The following ALDH1L1 variants were observed in gnomAD, a reference collection of about 807,000 sequenced individuals.
ALDH1L1 encodes the protein cytosolic 10-formyltetrahydrofolate dehydrogenase.
Under a neutral mutation model 101.1 loss-of-function variants are expected in ALDH1L1, and 68 were observed. That is an observed-to-expected ratio of 0.67 (90% CI 0.55 to 0.82). The LOEUF (loss-of-function observed/expected upper bound fraction) is 0.82, where lower values mean the gene tolerates loss of function less well. ALDH1L1 is among the 40% of genes least tolerant of loss of function. ALDH1L1 has a pLI of 0.00. For missense variants in ALDH1L1, 1,087 were observed against 1,172.7 expected, an observed-to-expected ratio of 0.93 and a Z score of 1.07; for synonymous variants, 486 against 470.8, an observed-to-expected ratio of 1.03 and a Z score of -0.42.
chr3:126,136,690 AG>A, intron 11 of ALDH1L1, 73 bp downstream of exon 11: 1 of 1,538,722 alleles, frequency 6.5e-7, no homozygotes, highest in Non-Finnish European at 8.8e-7. Flanking sequence ...GGACCCCCAG[AG>A]GCCAGTGGGG....
intron 14 of ALDH1L1, among the ~76,000 whole-genome samples, chr3:126,127,899 T>A (rs1159480723): frequency 6.6e-6 from 1 of 152,090 alleles, no homozygotes; most frequent in Non-Finnish European, 1.5e-5. Context: ...ACACAGAGAA[T>A]AAAATGAGAT....
chr3:126,167,781 G>T (rs2081198252), intron 1 of ALDH1L1, among the ~76,000 whole-genome samples: 1 of 152,066 alleles, frequency 6.6e-6, no homozygotes, highest in Admixed American at 6.5e-5. Flanking sequence ...GCTCCCACCT[G>T]TTCAGTAGTT....
intron 7 of ALDH1L1, chr3:126,152,741 T>A (rs1450634495): frequency 1.9e-5 from 3 of 159,946 alleles, no homozygotes; most frequent in Non-Finnish European, 1.4e-5. Flanking sequence ...AAGACCAGCA[T>A]CACGGCTTTG....
chr3:126,154,726 CTCT>C, intron 5 of ALDH1L1, 83 bp from the exon 6 acceptor site: 1 of 1,298,298 alleles, frequency 7.7e-7, no homozygotes, highest in Admixed American at 1.8e-5. Context: ...GTGGACCAAG[CTCT>C]TGTGAGACAG....
intron 8 of ALDH1L1, among the ~76,000 whole-genome samples, chr3:126,147,875 G>A (rs577376768): frequency 9.2e-5 from 14 of 152,234 alleles, no homozygotes; most frequent in Non-Finnish European, 2.1e-4. Context: ...GCCACGCACT[G>A]TCTGCCACAC....
chr3:126,124,588 C>A (rs772790116), intron 15 of ALDH1L1, 137 bp from the exon 16 acceptor site: 18 of 732,150 alleles, frequency 2.5e-5, no homozygotes, highest in Non-Finnish European at 3.9e-5. Flanking sequence ...ACCAGGAAGA[C>A]CCCAGGAAAG....
At chr3:126,134,387 C>G (rs2080379065) in intron 12 of ALDH1L1, among the ~76,000 whole-genome samples, 1 of 152,238 alleles carries the variant, frequency 6.6e-6, no homozygotes, top group Non-Finnish European at 1.5e-5. Context: ...TGCGGTCCAC[C>G]AAACGCGCAC....
In ALDH1L1 at chr3:126,115,277, G is replaced by C. The variant is rs1288272427; in HGVS notation, c.1983-621C>G. 3 of 355,640 alleles carry C rather than the reference G, an allele frequency of 8.4e-6. No individual in the cohort carries two copies. The East Asian group carries it at 2.3e-4, about 27-fold the overall frequency. The allele number at this position is 355,640 out of a possible 1,614,324, so 22.0% of individuals were successfully genotyped here. ...CACATCAGTGGGCAAGAAATGCACT[G>C]CAGGGATGCTGTCCTCAGCTGGACA... On this transcript the variant is annotated intron_variant, in intron 17 of 22. Coordinates refer to ENST00000393434, the MANE Select transcript of ALDH1L1 (RefSeq NM_012190.4).
chr3:126,138,295 T>A (rs1241683799), intron 9 of ALDH1L1, among the ~76,000 whole-genome samples: 1 of 131,902 alleles, frequency 7.6e-6, no homozygotes, highest in Non-Finnish European at 1.6e-5. Flanking sequence ...TAATAATAAT[T>A]AGCAGATTAA....
intron 9 of ALDH1L1, 122 bp from the exon 10 acceptor site, chr3:126,138,082 C>T (rs2080490192): frequency 1.5e-6 from 2 of 1,291,566 alleles, no homozygotes; most frequent in African/African-American, 1.5e-5. Context: ...GAGAGGTAGC[C>T]ATGAGCCCAG....
At chr3:126,107,595 A>G (rs2108169878) in intron 20 of ALDH1L1, among the ~76,000 whole-genome samples, 1 of 152,212 alleles carries the variant, frequency 6.6e-6, no homozygotes, top group African/African-American at 2.4e-5. Flanking sequence ...CTAATCTAAA[A>G]CCACCTAGAT....
At chr3:126,153,703 G>A in intron 6 of ALDH1L1, 122 bp from the exon 7 acceptor site, 2 of 1,304,066 alleles carry the variant, frequency 1.5e-6, no homozygotes, top group Non-Finnish European at 2.1e-6. Context: ...AGACCTGGGA[G>A]CCGGCTCAAA....
chr3:126,170,750 C>G (rs1368966629), intron 1 of ALDH1L1, among the ~76,000 whole-genome samples: 3 of 152,188 alleles, frequency 2.0e-5, no homozygotes, highest in Non-Finnish European at 4.4e-5. Flanking sequence ...AACACCGCCA[C>G]TTTAAATTCC....
In ALDH1L1 at chr3:126,125,637, T is replaced by C; in HGVS notation, c.1779A>G (p.Thr593=). ...KTAACLAAGN[T]VVIKPAQVTP... is the part of the protein sequence containing the mutation. ...TCACCTGAGCAGGCTTGATCACCACTGTGTTCCCGGCAGCCAGGCAGGCAG... is the reference window on the plus strand; with the variant it reads ...TCACCTGAGCAGGCTTGATCACCACCGTGTTCCCGGCAGCCAGGCAGGCAG... The change falls in exon 15 of 23, where the codon ACA becomes ACG. Residue 593 remains threonine (T), a synonymous_variant. Coordinates refer to ENST00000393434, the MANE Select transcript of ALDH1L1 (RefSeq NM_012190.4). 1 of 1,595,888 alleles carries C rather than the reference T, an allele frequency of 6.3e-7. No individual in the cohort carries two copies.
At chr3:126,192,189 C>A (rs1291255736) in intron 1 of ALDH1L1, among the ~76,000 whole-genome samples, 1 of 152,100 alleles carries the variant, frequency 6.6e-6, no homozygotes, top group Non-Finnish European at 1.5e-5. Context: ...AAATCGTGAA[C>A]AAATCTCCCT....
intron 1 of ALDH1L1, among the ~76,000 whole-genome samples, chr3:126,187,235 C>A (rs2108352285): frequency 6.6e-6 from 1 of 151,986 alleles, no homozygotes; most frequent in African/African-American, 2.4e-5. Flanking sequence ...AGGGGAGAAT[C>A]AGTAGTGTCT....
intron 7 of ALDH1L1, chr3:126,152,413 A>G (rs1382373523): frequency 1.3e-5 from 2 of 152,226 alleles, no homozygotes; most frequent in Non-Finnish European, 2.9e-5. Context: ...CTGACCACAG[A>G]CAGATATTCT....
At position 126,109,995 on chromosome 3, in the gene ALDH1L1, C is replaced by T. The variant is rs200292180; in HGVS notation, c.2296G>A (p.Val766Met). The T allele has an allele frequency of 9.4e-5, 151 of 1,614,222 alleles. 2 individuals are homozygous for T. Among genetic ancestry groups the T allele is most frequent in the East Asian group, 5.8e-4 (26 of 44,888 alleles). The change falls in exon 20 of 23, where the codon GTG becomes ATG. Residue 766 changes from valine to methionine, a missense_variant. Physicochemically the swap from Val to Met is conservative, Grantham distance 21. Transcript: ENST00000393434. Reference protein sequence around the residue: ...VKLMEYCQHGVKEGATLVCGG... With the variant: ...VKLMEYCQHGMKEGATLVCGG... ...CAGACCAGTGTGGCCCCTTCCTTCA[C>T]GCCATGCTGGCAGTACTCCATCAGC...
chr3:126,117,036 G>A (rs1343094820), intron 17 of ALDH1L1, among the ~76,000 whole-genome samples: 1 of 152,104 alleles, frequency 6.6e-6, no homozygotes, highest in Non-Finnish European at 1.5e-5. Flanking sequence ...CACATTAAAG[G>A]AGTTCGAGAC....
Sources: gnomAD v4.1 joint callset for allele counts (sites outside exome capture counted in the v4.1 genomes callset) on GRCh38, gnomAD v4.1.1 for gene constraint, MANE v1.5 for transcripts, NCBI Gene and HGNC (gene_info 2026-07-23, HGNC 2026-07-21) for gene names.